The following PPP5C variants were observed in gnomAD, a reference collection of about 807,000 sequenced individuals.
The protein encoded by PPP5C is serine/threonine-protein phosphatase 5.
In PPP5C, 21 loss-of-function variants were observed where a neutral mutation model predicts 66.7. The ratio of observed to expected loss-of-function variants is 0.31; its 90% CI spans 0.22 to 0.45. The LOEUF is 0.45. Ranked by LOEUF, PPP5C falls within the 20% of genes least tolerant of loss-of-function variation. PPP5C has a pLI of 1.00. For missense variants in PPP5C, 464 were observed against 675.9 expected (o/e 0.69, Z 3.48); for synonymous variants, 246 against 257.4 (o/e 0.96, Z 0.43).
intron 2 of PPP5C, among the ~76,000 whole-genome samples, chr19:46,358,489 C>T (rs1440180757): frequency 1.3e-5 from 2 of 152,180 alleles, no homozygotes; most frequent in Non-Finnish European, 1.5e-5. Context: ...TAATGTAATA[C>T]TGGAGATTTC....
chr19:46,358,671 GCTCCA>G (rs1972328720), intron 2 of PPP5C, among the ~76,000 whole-genome samples: 1 of 152,190 alleles, frequency 6.6e-6, no homozygotes, highest in African/African-American at 2.4e-5. Flanking sequence ...CTCGGGAAGT[GCTCCA>G]GAGAACAGAT....
intron 1 of PPP5C, 111 bp downstream of exon 1, chr19:46,347,328 C>A: frequency 7.0e-7 from 1 of 1,426,978 alleles, no homozygotes; most frequent in Non-Finnish European, 9.2e-7. Context: ...CAGACACTAC[C>A]AAGTGACCGG....
chr19:46,358,084 C>G lies in PPP5C; in HGVS notation c.363+4095C>G, dbSNP rs374877387. Among the ~76,000 whole-genome samples, 12 of 152,192 alleles carry G rather than the reference C, an allele frequency of 7.9e-5. No individual in the cohort carries two copies. The East Asian group carries it at 2.1e-3, about 27-fold the overall frequency. The stretch of plus-strand genomic sequence containing the variant: ...AGCCATTAGTCAACACATGAGCATG[C>G]AAAAAGACACATCACTTTGGAGATT... On this transcript the variant is annotated intron_variant, in intron 2 of 12. Coordinates refer to ENST00000012443, the MANE Select transcript of PPP5C (RefSeq NM_006247.4).
Position 46,387,326 on chromosome 19 carries a change from G to T in PPP5C, c.1048-40G>T, listed in dbSNP as rs556197401. The T allele has an allele frequency of 3.7e-6, 6 of 1,608,636 alleles. No individual in the cohort carries two copies. In the African/African-American group the frequency reaches 4.0e-5, roughly 11 times the overall value. On this transcript the variant is annotated intron_variant, in intron 8 of 12. Coordinates refer to ENST00000012443, the MANE Select transcript of PPP5C (RefSeq NM_006247.4). ...GAAGGAAGTTGGGGCCTGTGGGTGGGTGGCACCTTCCCTCACAGCGGCATC... is the reference window on the plus strand; with the variant it reads ...GAAGGAAGTTGGGGCCTGTGGGTGGTTGGCACCTTCCCTCACAGCGGCATC...
intron 2 of PPP5C, among the ~76,000 whole-genome samples, chr19:46,363,240 G>T: frequency 8.2e-6 from 1 of 121,258 alleles, no homozygotes; most frequent in Middle Eastern, 5.2e-3. Flanking sequence ...CCCGGGAGGC[G>T]GAGCTTGCAG....
At chr19:46,380,085 A>G (rs1972764472) in intron 4 of PPP5C, among the ~76,000 whole-genome samples, 1 of 152,178 alleles carries the variant, frequency 6.6e-6, no homozygotes, top group Non-Finnish European at 1.5e-5. Flanking sequence ...CAGGTGAATC[A>G]CTTGGGGTCA....
intron 1 of PPP5C, among the ~76,000 whole-genome samples, chr19:46,349,729 A>C (rs1972149071): frequency 6.6e-6 from 1 of 152,054 alleles, no homozygotes; most frequent in African/African-American, 2.4e-5. Flanking sequence ...AGTCTAGATT[A>C]GTGGACAGGT....
chr19:46,373,692 G>T (rs1346052311), intron 2 of PPP5C, among the ~76,000 whole-genome samples: 1 of 152,148 alleles, frequency 6.6e-6, no homozygotes, highest in African/African-American at 2.4e-5. Flanking sequence ...CACAGCTATG[G>T]CTGAGCCTCA....
intron 2 of PPP5C, among the ~76,000 whole-genome samples, chr19:46,357,208 C>T (rs1406331836): frequency 2.6e-5 from 4 of 152,126 alleles, no homozygotes; most frequent in Non-Finnish European, 5.9e-5. Context: ...CCATCAAGCC[C>T]GGGTAATTTG....
intron 2 of PPP5C, among the ~76,000 whole-genome samples, chr19:46,367,952 G>A (rs540818894): frequency 1.4e-4 from 22 of 152,206 alleles, no homozygotes; most frequent in African/African-American, 4.6e-4. Context: ...CATTTCCCCC[G>A]TTCCAGCTGC....
At chr19:46,384,650 A>AGCCCT in intron 6 of PPP5C, 154 bp from the exon 7 acceptor site, 1 of 615,444 alleles carries the variant, frequency 1.6e-6, no homozygotes, top group Non-Finnish European at 2.9e-6. Flanking sequence ...AGATCCCTTG[A>AGCCCT]GCCCTGCCAA....
At chr19:46,374,309 C>CA (rs920835312) in intron 2 of PPP5C, among the ~76,000 whole-genome samples, 5 of 152,188 alleles carry the variant, frequency 3.3e-5, no homozygotes, top group African/African-American at 1.2e-4. Context: ...GTTTCTGAGT[C>CA]ACGCTGCCAG....
chr19:46,373,448 A>T (rs1170517480), intron 2 of PPP5C, among the ~76,000 whole-genome samples: 1 of 152,190 alleles, frequency 6.6e-6, no homozygotes, highest in East Asian at 1.9e-4. Context: ...TGCTTACACA[A>T]TATTAGGCAC....
At chr19:46,373,170 C>T (rs191749350) in intron 2 of PPP5C, among the ~76,000 whole-genome samples, 71 of 152,350 alleles carry the variant, frequency 4.7e-4, no homozygotes, top group African/African-American at 1.5e-3. Flanking sequence ...CACTGCCCCA[C>T]GCTGCCTCCC....
chr19:46,382,045 CG>C (rs1568575425), intron 4 of PPP5C: 1 of 136,816 alleles, frequency 7.3e-6, no homozygotes, highest in African/African-American at 3.2e-5. Context: ...GGGTGCTCTC[CG>C]CTCTCCAGTC....
Position 46,375,551 on chromosome 19 carries a change from C to T in PPP5C, c.364-53C>T, listed in dbSNP as rs2147389149. Reference sequence around the variant, plus strand: ...CCAGGGCTGGGCAGCCTGGGGGCAACCGCTGTGCCCCCACCTCAGCCTCAG... The same window carrying T: ...CCAGGGCTGGGCAGCCTGGGGGCAATCGCTGTGCCCCCACCTCAGCCTCAG... On this transcript the variant is annotated intron_variant, in intron 2 of 12. Transcript: ENST00000012443. The T allele has an allele frequency of 1.9e-6, 3 of 1,598,958 alleles. No individual in the cohort carries two copies. In the East Asian group the frequency reaches 6.7e-5, roughly 36 times the overall value.
Position 46,383,015 on chromosome 19 carries a change from CCT to C in PPP5C, c.634-393_634-392del. On this transcript the variant is annotated intron_variant, in intron 4 of 12. Transcript: ENST00000012443. The surrounding 1 kb of genome is among the most constrained non-coding windows in gnomAD (Gnocchi z 5.0). ...GTGTTGCCTATGACCTGCCTTTTTA[CCT>C]CTTTTTACCTAGAAAGTCTCACTTC... 9.4e-7 allele frequency: 1 copy of C among 1,069,062 alleles called. No homozygotes were observed. Among genetic ancestry groups the C allele is most frequent in the Non-Finnish European group, 1.2e-6 (1 of 845,080 alleles). The allele number at this position is 1,069,062 out of a possible 1,614,324, so 66.2% of individuals were successfully genotyped here. A position where few individuals can be genotyped will look rare whatever the true frequency, so the allele number is the denominator to read the frequency against.
chr19:46,382,961 A>T, intron 4 of PPP5C: 1 of 1,079,246 alleles, frequency 9.3e-7, no homozygotes, highest in Non-Finnish European at 1.1e-6. Context: ...AGCTGCTTTT[A>T]AAAAATTCAG....
chr19:46,380,064 G>A (rs952323528), intron 4 of PPP5C, among the ~76,000 whole-genome samples: 2 of 152,096 alleles, frequency 1.3e-5, no homozygotes, highest in South Asian at 2.1e-4. Flanking sequence ...CAGCAGTTTC[G>A]GAGGCCGAGG....
Sources: allele counts gnomAD v4.1 joint callset (sites outside exome capture counted in the v4.1 genomes callset), GRCh38; gene constraint gnomAD v4.1.1; non-coding constraint Gnocchi (gnomAD v3.1); transcripts MANE v1.5; gene names NCBI Gene and HGNC (gene_info 2026-07-23, HGNC 2026-07-21).